GRIK1: variants seen among roughly 807,000 people sequenced by gnomAD.
The protein encoded by GRIK1 is glutamate ionotropic receptor kainate type subunit 1.
A neutral mutation model predicts 105.7 loss-of-function variants in GRIK1; 69 were observed. The ratio of observed to expected loss-of-function variants is 0.65; its 90% CI spans 0.54 to 0.80. GRIK1 has a LOEUF of 0.80. GRIK1 is among the 30% of genes least tolerant of loss of function. GRIK1 has a pLI of 0.00. For missense variants in GRIK1, 1,109 were observed against 1,167.3 expected, an observed-to-expected ratio of 0.95 and a Z score of 0.73; for synonymous variants, 438 against 431.3, an observed-to-expected ratio of 1.02 and a Z score of -0.19.
Position 29,905,802 on chromosome 21 carries a change from AT to A in GRIK1, c.118+33580del, listed in dbSNP as rs1399520892. On this transcript the variant is annotated intron_variant, in intron 1 of 17. Transcript: ENST00000327783. ...CCACTACGCCCGGCTAATTTTTTGTATTTTTAGTAGAGACGGGATTTTGCCA... is the reference window on the plus strand; with the variant it reads ...CCACTACGCCCGGCTAATTTTTTGTATTTTAGTAGAGACGGGATTTTGCCA... 2.0e-5 allele frequency among the ~76,000 whole-genome samples: 3 copies of A among 151,324 alleles called. No homozygotes were observed. The East Asian group carries it at 5.8e-4, about 29-fold the overall frequency.
chr21:29,884,339 T>C (rs963175687), intron 1 of GRIK1, among the ~76,000 whole-genome samples: 4 of 152,050 alleles, frequency 2.6e-5, no homozygotes, highest in Non-Finnish European at 5.9e-5. Flanking sequence ...TACTATCCTA[T>C]CGTAAAATGT....
intron 1 of GRIK1, among the ~76,000 whole-genome samples, chr21:29,765,845 A>G (rs886134800): frequency 7.3e-5 from 11 of 150,980 alleles, no homozygotes; most frequent in Admixed American, 3.3e-4. Flanking sequence ...AATTTTATCT[A>G]AGAAAATTCT....
chr21:29,847,615 G>A lies in GRIK1; in HGVS notation c.118+91768C>T, dbSNP rs553142049. ...AAAACAAACAAACAAACAAAAACAC[G>A]AAACTATTTTTTCTCTGCATAATCT... On this transcript the variant is annotated intron_variant, in intron 1 of 17. Transcript: ENST00000327783. 3.2e-3 allele frequency among the ~76,000 whole-genome samples: 483 copies of A among 152,110 alleles called. 1 individual carries two copies. The highest frequency in any genetic ancestry group is 5.3e-3 in the Non-Finnish European group (358 of 67,956).
chr21:29,754,281 G>A (rs1195579076), intron 1 of GRIK1, among the ~76,000 whole-genome samples: 1 of 152,180 alleles, frequency 6.6e-6, no homozygotes, highest in Non-Finnish European at 1.5e-5. Context: ...AATAACTCAT[G>A]TGTGGGTGGC....
At chr21:29,818,767 C>T (rs764081049) in intron 1 of GRIK1, among the ~76,000 whole-genome samples, 1 of 152,064 alleles carries the variant, frequency 6.6e-6, no homozygotes, top group Non-Finnish European at 1.5e-5. Flanking sequence ...ACAGAACCCA[C>T]AGTGACACAG....
At chr21:29,695,743 G>A (rs532008044) in intron 1 of GRIK1, among the ~76,000 whole-genome samples, 47 of 152,202 alleles carry the variant, frequency 3.1e-4, no homozygotes, top group African/African-American at 1.1e-3. Context: ...AAAGTGATGG[G>A]ATTACAGGCA....
At chr21:29,787,315 A>G (rs935700385) in intron 1 of GRIK1, among the ~76,000 whole-genome samples, 4 of 152,230 alleles carry the variant, frequency 2.6e-5, no homozygotes, top group African/African-American at 4.8e-5. Context: ...AAGATATTAG[A>G]TAACTCTACA....
chr21:29,898,160 T>C (rs58172442), intron 1 of GRIK1, among the ~76,000 whole-genome samples: 1 of 152,342 alleles, frequency 6.6e-6, no homozygotes, highest in African/African-American at 2.4e-5. Context: ...CCCTTTTCTT[T>C]CCTAAAGACC....
intron 12 of GRIK1, among the ~76,000 whole-genome samples, chr21:29,584,508 T>A (rs1050737527): frequency 6.6e-6 from 1 of 152,200 alleles, no homozygotes; most frequent in Non-Finnish European, 1.5e-5. Flanking sequence ...CATACACACT[T>A]AATTAAAAGT....
At chr21:29,603,341 TAAAAAG>T (rs2061553573) in intron 7 of GRIK1, among the ~76,000 whole-genome samples, 1 of 151,914 alleles carries the variant, frequency 6.6e-6, no homozygotes, top group African/African-American at 2.4e-5. Context: ...CTGTAACACA[TAAAAAG>T]AAATACTTCT....
intron 4 of GRIK1, among the ~76,000 whole-genome samples, chr21:29,668,961 G>A (rs2063112282): frequency 6.6e-6 from 1 of 152,206 alleles, no homozygotes; most frequent in South Asian, 2.1e-4. Flanking sequence ...CTGCGAGGTG[G>A]TGGGTGGGTA....
chr21:29,803,254 CA>C (rs2066762825), intron 1 of GRIK1, among the ~76,000 whole-genome samples: 1 of 151,890 alleles, frequency 6.6e-6, no homozygotes, highest in Non-Finnish European at 1.5e-5. Context: ...TTGTAAAATG[CA>C]AAAAAAGCAT....
intron 1 of GRIK1, among the ~76,000 whole-genome samples, chr21:29,723,789 T>C (rs562310460): frequency 9.8e-5 from 15 of 152,344 alleles, no homozygotes; most frequent in African/African-American, 3.6e-4. Context: ...TCATTCTTTT[T>C]TTTTTGGAAC....
intron 16 of GRIK1, among the ~76,000 whole-genome samples, chr21:29,550,629 T>C (rs187902299): frequency 5.1e-4 from 77 of 152,318 alleles, no homozygotes; most frequent in African/African-American, 1.3e-3. Flanking sequence ...TGCAGTGACC[T>C]CTGCCATTGA....
At chr21:29,613,880 A>G (rs1038714035) in intron 7 of GRIK1, among the ~76,000 whole-genome samples, 4 of 152,222 alleles carry the variant, frequency 2.6e-5, no homozygotes, top group Non-Finnish European at 4.4e-5. Context: ...GAGGATTTTC[A>G]GGCAAAATAC....
At chr21:29,902,447 A>G (rs2070444769) in intron 1 of GRIK1, among the ~76,000 whole-genome samples, 1 of 152,238 alleles carries the variant, frequency 6.6e-6, no homozygotes, top group South Asian at 2.1e-4. Context: ...ACTTTGGCAA[A>G]GTCTCAGGAT....
At chr21:29,574,731 A>G (rs1224108652) in intron 14 of GRIK1, among the ~76,000 whole-genome samples, 1 of 128,670 alleles carries the variant, frequency 7.8e-6, no homozygotes, top group African/African-American at 3.1e-5. Flanking sequence ...TCTGTGGCCC[A>G]GGCGGGAGTG....
chr21:29,800,280 A>G (rs1051402688), intron 1 of GRIK1, among the ~76,000 whole-genome samples: 2 of 152,200 alleles, frequency 1.3e-5, no homozygotes, highest in African/African-American at 4.8e-5. Flanking sequence ...CTTATGTGTC[A>G]GGGCTTATCT....
At chr21:29,865,441 C>T (rs980799445) in intron 1 of GRIK1, among the ~76,000 whole-genome samples, 2 of 152,138 alleles carry the variant, frequency 1.3e-5, no homozygotes, top group Non-Finnish European at 2.9e-5. Context: ...AGAATAAATA[C>T]GTAAAATTCT....
Sources: gnomAD v4.1 joint callset for allele counts (sites outside exome capture counted in the v4.1 genomes callset) on GRCh38, gnomAD v4.1.1 for gene constraint, MANE v1.5 for transcripts, NCBI Gene and HGNC (gene_info 2026-07-23, HGNC 2026-07-21) for gene names.